Variants in INO80C observed in about 807,000 individuals in gnomAD.
The protein encoded by INO80C is IES6 homolog.
In INO80C, 17 loss-of-function variants were observed where a neutral mutation model predicts 17.7. The observed-to-expected ratio is 0.96, with a 90% CI of 0.66 to 1.44. The LOEUF (loss-of-function observed/expected upper bound fraction) is 1.44. Ranked by LOEUF, INO80C falls within the 40% of genes most tolerant of loss-of-function variation. The pLI, the probability that INO80C is intolerant of heterozygous loss-of-function variation, is 0.00. For synonymous variants in INO80C, 96 were observed against 95.8 expected (o/e 1.00, Z -0.01); for missense variants, 244 against 245.0 (o/e 1.00, Z 0.03).
In INO80C at chr18:35,474,226, T is replaced by TATATATAC. The variant is rs1336669995; in HGVS notation, c.447+4055_447+4056insGTATATAT. On this transcript the variant is annotated intron_variant, in intron 4 of 4. Transcript: ENST00000334598. ...GTGTGTCTATATATATATATATATA[T>TATATATAC]ATATATATATATATATATACTTAAT... Among the ~76,000 whole-genome samples, 4 of 129,820 alleles carry TATATATAC rather than the reference T, an allele frequency of 3.1e-5. No individual in the cohort carries two copies. The Middle Eastern group carries it at 0.011, about 366-fold the overall frequency. 85.2% of individuals were successfully genotyped at this position (129,820 alleles called of 152,430 possible).
At chr18:35,470,747 C>G (rs952862678) in intron 4 of INO80C, among the ~76,000 whole-genome samples, 19 of 152,214 alleles carry the variant, frequency 1.2e-4, no homozygotes, top group Non-Finnish European at 2.5e-4. Flanking sequence ...CAACAAAAAC[C>G]TGAACAGACT....
chr18:35,495,103 G>C (rs984513417), intron 1 of INO80C, among the ~76,000 whole-genome samples: 1 of 152,236 alleles, frequency 6.6e-6, no homozygotes, highest in East Asian at 1.9e-4. Context: ...GCTGTGAAAA[G>C]GGAACTAGAA....
At chr18:35,476,215 A>C (rs2144038725) in intron 4 of INO80C, among the ~76,000 whole-genome samples, 1 of 152,356 alleles carries the variant, frequency 6.6e-6, no homozygotes, top group Non-Finnish European at 1.5e-5. Context: ...CCAGTAGTGG[A>C]GGATTCTACT....
At position 35,497,940 on chromosome 18, in the gene INO80C, C is replaced by A; in HGVS notation, c.-66G>T. ...AGCGCGGGCCTTGGAACTTCCTTTC[C>A]GCTGTTACTTCCGTCTTGATGCTTG... On this transcript the variant is annotated 5_prime_UTR_variant, in exon 1 of 5. Coordinates refer to ENST00000334598, the MANE Select transcript of INO80C (RefSeq NM_194281.4). The A allele has an allele frequency of 6.9e-7, 1 of 1,445,356 alleles. No homozygotes were observed. The highest frequency in any genetic ancestry group is 1.5e-5 in the African/African-American group (1 of 67,532). 89.5% of individuals were successfully genotyped at this position (1,445,356 alleles called of 1,614,324 possible).
At chr18:35,489,672 C>A (rs2045914541) in intron 1 of INO80C, among the ~76,000 whole-genome samples, 1 of 152,296 alleles carries the variant, frequency 6.6e-6, no homozygotes, top group Non-Finnish European at 1.5e-5. Context: ...AAAGATATGA[C>A]AACTAAATAC....
chr18:35,482,211 G>A (rs2045817330), intron 1 of INO80C, among the ~76,000 whole-genome samples: 1 of 152,092 alleles, frequency 6.6e-6, no homozygotes, highest in Admixed American at 6.6e-5. Context: ...AAGAGTTAAG[G>A]CTAAAAGTCA....
chr18:35,476,548 C>T (rs536041792), intron 4 of INO80C, among the ~76,000 whole-genome samples: 41 of 152,172 alleles, frequency 2.7e-4, no homozygotes, highest in African/African-American at 8.4e-4. Flanking sequence ...TATTAAAAAA[C>T]GCTCAATAAA....
intron 1 of INO80C, among the ~76,000 whole-genome samples, chr18:35,490,935 AT>A: frequency 6.6e-6 from 1 of 152,076 alleles, no homozygotes; most frequent in Non-Finnish European, 1.5e-5. Context: ...TAACTTTTGT[AT>A]TTTTGTAGAG....
At chr18:35,496,145 A>G (rs1286874490) in intron 1 of INO80C, among the ~76,000 whole-genome samples, 3 of 152,246 alleles carry the variant, frequency 2.0e-5, no homozygotes, top group Non-Finnish European at 2.9e-5. Flanking sequence ...CTTCTGACTC[A>G]GCAATTCCAC....
intron 1 of INO80C, among the ~76,000 whole-genome samples, chr18:35,489,864 C>T (rs1320772351): frequency 6.6e-6 from 1 of 152,210 alleles, no homozygotes; most frequent in Non-Finnish European, 1.5e-5. Context: ...GGGCCCTCCT[C>T]TGTTAACACC....
chr18:35,471,954 AG>A (rs1451990765), intron 4 of INO80C, among the ~76,000 whole-genome samples: 2 of 152,184 alleles, frequency 1.3e-5, no homozygotes, highest in Non-Finnish European at 2.9e-5. Flanking sequence ...ATGGCTGCAT[AG>A]TATTCCATGG....
chr18:35,471,846 T>G (rs1178085074), intron 4 of INO80C, among the ~76,000 whole-genome samples: 1 of 141,546 alleles, frequency 7.1e-6, no homozygotes, highest in Non-Finnish European at 1.5e-5. Context: ...AGTGACAACA[T>G]GCGGTGTTTG....
intron 1 of INO80C, among the ~76,000 whole-genome samples, chr18:35,492,080 G>A (rs1444673580): frequency 6.6e-6 from 1 of 152,178 alleles, no homozygotes; most frequent in African/African-American, 2.4e-5. Context: ...CAGACTAAAG[G>A]ATAATTTGGA....
At chr18:35,485,647 G>T (rs1228309339) in intron 1 of INO80C, among the ~76,000 whole-genome samples, 1 of 151,868 alleles carries the variant, frequency 6.6e-6, no homozygotes, top group Non-Finnish European at 1.5e-5. Context: ...CAATTGGGAA[G>T]TTTCTCAAAA....
chr18:35,475,970 T>C (rs2045731318), intron 4 of INO80C, among the ~76,000 whole-genome samples: 1 of 152,104 alleles, frequency 6.6e-6, no homozygotes, highest in Non-Finnish European at 1.5e-5. Flanking sequence ...AAGTAAACTA[T>C]ATGACAACAA....
At chr18:35,493,511 G>C (rs935780090) in intron 1 of INO80C, among the ~76,000 whole-genome samples, 2 of 152,276 alleles carry the variant, frequency 1.3e-5, no homozygotes, top group South Asian at 2.1e-4. Context: ...ATAAAACAAA[G>C]TTGTTTTTGT....
At chr18:35,490,460 G>C (rs1280305272) in intron 1 of INO80C, among the ~76,000 whole-genome samples, 2 of 152,244 alleles carry the variant, frequency 1.3e-5, no homozygotes, top group Non-Finnish European at 2.9e-5. Context: ...GGCTATGAAA[G>C]AGATTTCCTG....
At chr18:35,481,947 T>C (rs1399323498) in intron 1 of INO80C, among the ~76,000 whole-genome samples, 1 of 152,204 alleles carries the variant, frequency 6.6e-6, no homozygotes, top group Non-Finnish European at 1.5e-5. Flanking sequence ...TCTGTTTCAG[T>C]GTATTTGCAC....
chr18:35,475,796 A>G (rs552980498), intron 4 of INO80C, among the ~76,000 whole-genome samples: 2 of 152,346 alleles, frequency 1.3e-5, no homozygotes, highest in East Asian at 3.9e-4. Context: ...AAAGAATATG[A>G]CATCAGATTG....
Sources: gnomAD v4.1 joint callset for allele counts (sites outside exome capture counted in the v4.1 genomes callset) on GRCh38, gnomAD v4.1.1 for gene constraint, MANE v1.5 for transcripts, NCBI Gene and HGNC (gene_info 2026-07-23, HGNC 2026-07-21) for gene names.